The following PALM2AKAP2 variants were observed in gnomAD, a reference collection of about 807,000 sequenced individuals.
PALM2AKAP2 encodes the protein PALM2-AKAP2 fusion protein.
In PALM2AKAP2, 37 loss-of-function variants were observed where a neutral mutation model predicts 71.5. That is an observed-to-expected ratio of 0.52 (90% confidence interval 0.40 to 0.68). The LOEUF is 0.68. Ranked by LOEUF, PALM2AKAP2 falls within the 30% of genes least tolerant of loss-of-function variation. The probability of loss-of-function intolerance (pLI) is 0.00; values close to 1 mark genes in which losing one functional copy is unlikely to be tolerated. For missense variants in PALM2AKAP2, 1,224 were observed against 1,191.8 expected, an observed-to-expected ratio of 1.03 and a Z score of -0.40; for synonymous variants, 468 against 478.8, an observed-to-expected ratio of 0.98 and a Z score of 0.29.
intron 1 of PALM2AKAP2, among the ~76,000 whole-genome samples, chr9:110,093,364 T>C (rs506550): frequency 0.2 from 30,880 of 151,950 alleles, 4,048 homozygotes; most frequent in East Asian, 0.37. Flanking sequence ...AGATGGGGCA[T>C]GAGGAGAACT....
intron 1 of PALM2AKAP2, among the ~76,000 whole-genome samples, chr9:109,758,087 C>G (rs1250951686): frequency 6.6e-6 from 1 of 152,042 alleles, no homozygotes; most frequent in African/African-American, 2.4e-5. Flanking sequence ...CATACATTCT[C>G]CAATCACTCC....
chr9:109,992,234 G>A (rs1235182383), intron 6 of PALM2AKAP2, among the ~76,000 whole-genome samples: 2 of 152,046 alleles, frequency 1.3e-5, no homozygotes, highest in African/African-American at 4.8e-5. Context: ...CTCTGCCTCT[G>A]TCTTCATGTA....
intron 1 of PALM2AKAP2, among the ~76,000 whole-genome samples, chr9:109,766,209 G>C (rs1829151492): frequency 6.6e-6 from 1 of 152,166 alleles, no homozygotes; most frequent in African/African-American, 2.4e-5. Context: ...CCCATAAAAG[G>C]GCCACTTGTG....
intron 1 of PALM2AKAP2, among the ~76,000 whole-genome samples, chr9:109,647,066 A>G (rs1455189027): frequency 1.3e-5 from 2 of 152,198 alleles, no homozygotes; most frequent in African/African-American, 4.8e-5. Flanking sequence ...ACGCTTGGGA[A>G]ACCTCTTTCC....
At chr9:109,766,609 C>A (rs1829158640) in intron 1 of PALM2AKAP2, among the ~76,000 whole-genome samples, 1 of 152,196 alleles carries the variant, frequency 6.6e-6, no homozygotes, top group South Asian at 2.1e-4. Flanking sequence ...TTAACCTCAT[C>A]ATCCTTTTGC....
intron 6 of PALM2AKAP2, among the ~76,000 whole-genome samples, chr9:109,982,198 T>A (rs1310466590): frequency 1.3e-5 from 2 of 152,132 alleles, no homozygotes; most frequent in Admixed American, 1.3e-4. Flanking sequence ...AAGCTAGTCA[T>A]AGAAAGACAA....
intron 1 of PALM2AKAP2, among the ~76,000 whole-genome samples, chr9:109,852,937 G>T (rs148272512): frequency 4.3e-4 from 66 of 152,230 alleles, no homozygotes; most frequent in African/African-American, 1.3e-3. Context: ...TCTTTTGTCA[G>T]ATGCATGGTT....
intron 1 of PALM2AKAP2, among the ~76,000 whole-genome samples, chr9:109,682,854 A>G (rs1291021527): frequency 6.6e-6 from 1 of 152,182 alleles, no homozygotes; most frequent in Non-Finnish European, 1.5e-5. Flanking sequence ...CAAAAAACAT[A>G]CTTATGTCCT....
At chr9:109,939,788 C>T (rs1011034082) in intron 6 of PALM2AKAP2, among the ~76,000 whole-genome samples, 2 of 152,212 alleles carry the variant, frequency 1.3e-5, no homozygotes, top group Non-Finnish European at 2.9e-5. Flanking sequence ...TTGTGTGTGT[C>T]CATGCACCTC....
chr9:109,839,421 C>G (rs1344940335), intron 1 of PALM2AKAP2, among the ~76,000 whole-genome samples: 1 of 152,150 alleles, frequency 6.6e-6, no homozygotes. Context: ...AAACCCACAG[C>G]CAATATCATA....
chr9:109,908,676 A>T (rs1390903469), intron 3 of PALM2AKAP2, among the ~76,000 whole-genome samples: 2 of 152,200 alleles, frequency 1.3e-5, no homozygotes, highest in Non-Finnish European at 2.9e-5. Context: ...TTGAGATACT[A>T]ACTCATGCGT....
At chr9:110,139,534 A>G (rs1247209491) in intron 2 of PALM2AKAP2, among the ~76,000 whole-genome samples, 1 of 152,216 alleles carries the variant, frequency 6.6e-6, no homozygotes, top group Non-Finnish European at 1.5e-5. Flanking sequence ...TTGCTTCATA[A>G]TGGACTGGTG....
intron 1 of PALM2AKAP2, among the ~76,000 whole-genome samples, chr9:109,832,750 A>G (rs1437426126): frequency 6.6e-6 from 1 of 151,372 alleles, no homozygotes; most frequent in Non-Finnish European, 1.5e-5. Context: ...CAACAAAACC[A>G]CTCCCCAGTC....
intron 1 of PALM2AKAP2, among the ~76,000 whole-genome samples, chr9:110,081,704 G>A (rs1334617234): frequency 2.0e-5 from 3 of 152,060 alleles, no homozygotes; most frequent in Admixed American, 2.0e-4. Context: ...CAGCCCAAGC[G>A]ACAGGAAACT....
At chr9:110,086,976 T>C (rs755112199) in intron 1 of PALM2AKAP2, among the ~76,000 whole-genome samples, 1 of 152,232 alleles carries the variant, frequency 6.6e-6, no homozygotes, top group Non-Finnish European at 1.5e-5. Context: ...CAGACTTCAC[T>C]GTTTACACTC....
intron 1 of PALM2AKAP2, among the ~76,000 whole-genome samples, chr9:109,853,963 G>GCT (rs906733737): frequency 1.9e-4 from 29 of 152,278 alleles, no homozygotes; most frequent in African/African-American, 6.5e-4. Flanking sequence ...ACCCTATGAG[G>GCT]CTCTTCTTAG....
chr9:109,741,847 A>C (rs1004857946), intron 1 of PALM2AKAP2, among the ~76,000 whole-genome samples: 1 of 152,222 alleles, frequency 6.6e-6, no homozygotes, highest in Non-Finnish European at 1.5e-5. Context: ...TGTGAAAAAC[A>C]CTGTATTTTC....
intron 1 of PALM2AKAP2, among the ~76,000 whole-genome samples, chr9:110,068,763 C>G (rs1028598673): frequency 6.6e-6 from 1 of 152,116 alleles, no homozygotes; most frequent in African/African-American, 2.4e-5. Context: ...GAACTCCTGG[C>G]CTCAAGTGAT....
chr9:110,169,235 A>G (rs1836802890), exon 4 of PALM2AKAP2: 1 of 152,672 alleles, frequency 6.5e-6, no homozygotes, highest in South Asian at 2.1e-4. Context: ...TGCTTATAAT[A>G]TTCACTGATC....
Sources: gnomAD v4.1 joint callset for allele counts (sites outside exome capture counted in the v4.1 genomes callset) on GRCh38, gnomAD v4.1.1 for gene constraint, MANE v1.5 for transcripts, NCBI Gene and HGNC (gene_info 2026-07-23, HGNC 2026-07-21) for gene names.